The following ZNF843 variants were observed in gnomAD, a reference collection of about 807,000 sequenced individuals.
ZNF843 encodes the protein zinc finger protein 843.
For synonymous variants in ZNF843, 185 were observed against 207.7 expected, an observed-to-expected ratio of 0.89 and a Z score of 0.94; for missense variants, 482 against 469.4, an observed-to-expected ratio of 1.03 and a Z score of -0.25.
rs2082176470 is a variant in ZNF843, at chr16:31,435,783, G to A, written c.*20C>T. ...CGGCGGCTGCAACAATTCCACCCAG[G>A]GCTGCAGCACGCTGGTTCTTCAGTG... is the stretch of plus-strand genomic sequence containing the variant. On this transcript the variant is annotated 3_prime_UTR_variant, in exon 2 of 2. Coordinates refer to ENST00000315678, the MANE Select transcript of ZNF843 (RefSeq NM_001136509.3). 1 of 1,445,240 alleles carries A rather than the reference G, an allele frequency of 6.9e-7. No individual in the cohort carries two copies. 89.5% of individuals were successfully genotyped at this position (1,445,240 alleles called of 1,614,324 possible).
At position 31,436,877 on chromosome 16, in the gene ZNF843, G is replaced by A. The variant is rs778794296; in HGVS notation, c.-28C>T. 3 of 1,493,084 alleles carry A rather than the reference G, an allele frequency of 2.0e-6. No homozygotes were observed. In the South Asian group the frequency reaches 4.0e-5, roughly 20 times the overall value. 92.5% of individuals were successfully genotyped at this position (1,493,084 alleles called of 1,614,324 possible). A position where few individuals can be genotyped will look rare whatever the true frequency, so the allele number is the denominator to read the frequency against. Reference sequence around the variant, plus strand: ...GCAGGGCTTCGGAGATGACCGCTCAGGGAGTAACTGTACGGGAGGCTTTGC... The same window carrying A: ...GCAGGGCTTCGGAGATGACCGCTCAAGGAGTAACTGTACGGGAGGCTTTGC... On this transcript the variant is annotated 5_prime_UTR_variant, in exon 2 of 2. Transcript: ENST00000315678.
intron 1 of ZNF843, among the ~76,000 whole-genome samples, chr16:31,442,065 A>T (rs1235651086): frequency 6.6e-6 from 1 of 152,226 alleles, no homozygotes; most frequent in African/African-American, 2.4e-5. Context: ...GGTGTGCTGC[A>T]GCCAGCACTG....
At position 31,435,662 on chromosome 16, in the gene ZNF843, C is replaced by A. The variant is rs749525403; in HGVS notation, c.*141G>T. The stretch of plus-strand genomic sequence containing the variant: ...AGGGGAAAAAAAACAAACAAAATAG[C>A]CCCCAGCACTTCTGAGAAAGATCTG... On this transcript the variant is annotated 3_prime_UTR_variant, in exon 2 of 2. Transcript: ENST00000315678. The A allele has an allele frequency of 2.6e-4, 200 of 765,802 alleles. No individual in the cohort carries two copies. The highest frequency in any genetic ancestry group is 3.6e-4 in the Non-Finnish European group (186 of 519,540). The allele number at this position is 765,802 out of a possible 1,614,324, so 47.4% of individuals were successfully genotyped here.
rs546141245 is a variant in ZNF843 at position 31,436,127 on chromosome 16, A to G, written c.723T>C (p.Pro241=). ...PLVPSGLPAV[P]AVPLGGLEVA... is the part of the protein sequence containing the mutation. ...CTTCCAGGCCTCCCAGAGGCACTGC[A>G]GGCACTGCGGGAAGGCCGGATGGAA... Residue 241 remains proline (P), a synonymous_variant, in exon 2 of 2, where the codon CCT becomes CCC. Transcript: ENST00000315678. 9 of 1,549,862 alleles carry G rather than the reference A, an allele frequency of 5.8e-6. No homozygotes were observed. The South Asian group carries it at 9.5e-5, about 16-fold the overall frequency.
chr16:31,439,401 C>T (rs2082194055), intron 1 of ZNF843, among the ~76,000 whole-genome samples: 1 of 152,174 alleles, frequency 6.6e-6, no homozygotes, highest in Non-Finnish European at 1.5e-5. Context: ...AGGATTTACT[C>T]AAGGAAAATA....
rs536438869 is a variant in ZNF843, at chr16:31,436,912, C to A, written c.-63G>T. 9.2e-6 allele frequency: 13 copies of A among 1,420,042 alleles called. No homozygotes were observed. In the South Asian group the frequency reaches 1.8e-4, roughly 19 times the overall value. 88.0% of individuals were successfully genotyped at this position (1,420,042 alleles called of 1,614,324 possible). A position where few individuals can be genotyped will look rare whatever the true frequency, so the allele number is the denominator to read the frequency against. On this transcript the variant is annotated 5_prime_UTR_variant, in exon 2 of 2. Transcript: ENST00000315678. ...GTACGGGAGGCTTTGCCGCACTTGGCGCAGCTGTGGGGCCTCTGCCGCACT... is the reference window on the plus strand; with the variant it reads ...GTACGGGAGGCTTTGCCGCACTTGGAGCAGCTGTGGGGCCTCTGCCGCACT...
At chr16:31,441,856 C>T (rs913883784) in intron 1 of ZNF843, among the ~76,000 whole-genome samples, 5 of 152,168 alleles carry the variant, frequency 3.3e-5, no homozygotes, top group African/African-American at 1.2e-4. Flanking sequence ...CTGCTGGACT[C>T]AATGTCACAA....
At position 31,436,256 on chromosome 16, in the gene ZNF843, G is replaced by A; in HGVS notation, c.594C>T (p.Pro198=). ...VAPDSTSGLR[P]CGSPGSFLQH... ...GAAGGAAGGACCCGGGGCTCCCACA[G>A]GGCCGGAGCCCAGAGGTGCTGTCCG... The change falls in exon 2 of 2, where the codon CCC becomes CCT. Residue 198 remains proline (P), a synonymous_variant. Coordinates refer to ENST00000315678, the MANE Select transcript of ZNF843 (RefSeq NM_001136509.3). 6.5e-7 allele frequency: 1 copy of A among 1,546,830 alleles called. No homozygotes were observed. The highest frequency in any genetic ancestry group is 8.7e-7 in the Non-Finnish European group (1 of 1,144,426).
chr16:31,442,847 G>A (rs2082206732), upstream of ZNF843: 1 of 152,308 alleles, frequency 6.6e-6, no homozygotes, highest in Admixed American at 6.5e-5. Flanking sequence ...GGGAGCTGGA[G>A]GCGTCCTGGC....
At position 31,436,032 on chromosome 16, in the gene ZNF843, G is replaced by A. The variant is rs988703210; in HGVS notation, c.818C>T (p.Ala273Val). The change falls in exon 2 of 2, where the codon GCG becomes GTG. Residue 273 changes from alanine to valine, a missense_variant. By Grantham distance (64) the Ala-to-Val change is moderately conservative. Coordinates refer to ENST00000315678, the MANE Select transcript of ZNF843 (RefSeq NM_001136509.3). ...CTCCCGCGAGTCCCGTCCCGCGCTC[G>A]CACAGCTTCTGGGCCCCATCGCCCC... ...QEGAMGPRSC[A>V]SAGRDSREAV... 5.9e-6 allele frequency: 9 copies of A among 1,534,752 alleles called. No homozygotes were observed. Among genetic ancestry groups the A allele is most frequent in the East Asian group, 2.4e-5 (1 of 40,852 alleles).
Position 31,435,500 on chromosome 16 carries a change from G to T in ZNF843, c.*303C>A, listed in dbSNP as rs1796866573. 7.7e-6 allele frequency: 2 copies of T among 261,046 alleles called. No homozygotes were observed. Among genetic ancestry groups the T allele is most frequent in the Non-Finnish European group, 1.4e-5 (2 of 138,692 alleles). The allele number at this position is 261,046 out of a possible 1,614,324, so 16.2% of individuals were successfully genotyped here. On this transcript the variant is annotated 3_prime_UTR_variant, in exon 2 of 2. Coordinates refer to ENST00000315678, the MANE Select transcript of ZNF843 (RefSeq NM_001136509.3). ...GATGCGGTCTCGCTAGGCTGCCCAG[G>T]CTAGTCTCAAATTCTTCGGGCTCAC...
In ZNF843 at chr16:31,436,531, T is replaced by A. The variant is rs751996730; in HGVS notation, c.319A>T (p.Thr107Ser). 2.1e-5 allele frequency: 33 copies of A among 1,549,998 alleles called. No individual in the cohort carries two copies. The Admixed American group carries it at 6.1e-4, about 29-fold the overall frequency. ...GCTTCGGCCAGTGTGTGCTCCTTGGTGAGCCAGCAGCAGAGCTGGCCGCTA... is the reference window on the plus strand; with the variant it reads ...GCTTCGGCCAGTGTGTGCTCCTTGGAGAGCCAGCAGCAGAGCTGGCCGCTA... ...GFSGQLCCWL[T>S]KEHTLAEALR... Residue 107 changes from threonine (T) to serine (S), a missense_variant, in exon 2 of 2, where the codon ACC becomes TCC. Thr to Ser is a moderately conservative substitution (Grantham distance 58, BLOSUM62 1). Coordinates refer to ENST00000315678, the MANE Select transcript of ZNF843 (RefSeq NM_001136509.3).
rs1567365062 is a variant in ZNF843 at position 31,436,342 on chromosome 16, C to T, written c.508G>A (p.Glu170Lys). ...ACGCTCCCACCCCTGCAGGTCTTCT[C>T]CCCTGGGTGCGGAAGGACGCGCTGG... ...LSQRVLPHPG[E>K]KTCRGGSVES... The change falls in exon 2 of 2, where the codon GAG (glutamate) becomes AAG (lysine). Residue 170 changes from glutamate to lysine, a missense_variant. Transcript: ENST00000315678. 1.3e-6 allele frequency: 2 copies of T among 1,546,564 alleles called. No homozygotes were observed. The highest frequency in any genetic ancestry group is 2.0e-5 in the Admixed American group (1 of 50,760).
At position 31,442,723 on chromosome 16, in the gene ZNF843, C is replaced by G. The variant is rs751193617; in HGVS notation, c.-423G>C. The G allele has an allele frequency of 6.6e-6, 1 of 152,242 alleles. No homozygotes were observed. The highest frequency in any genetic ancestry group is 1.5e-5 in the Non-Finnish European group (1 of 68,060). The allele number at this position is 152,242 out of a possible 1,614,324, so 9.4% of individuals were successfully genotyped here. A position where few individuals can be genotyped will look rare whatever the true frequency, so the allele number is the denominator to read the frequency against. Reference sequence around the variant, plus strand: ...GCGCCCCTGCCCCGCGAGCCGCCCCCGAGAGACACGGCGGATCGGAACCCA... The same window carrying G: ...GCGCCCCTGCCCCGCGAGCCGCCCCGGAGAGACACGGCGGATCGGAACCCA... On this transcript the variant is annotated 5_prime_UTR_variant, in exon 1 of 2. Transcript: ENST00000315678.
chr16:31,435,645 A>C lies in ZNF843; in HGVS notation c.*158T>G. On this transcript the variant is annotated 3_prime_UTR_variant, in exon 2 of 2. Transcript: ENST00000315678. ...GAAAGGAGCGAGAATTCAGGGGAAA[A>C]AAAACAAACAAAATAGCCCCCAGCA... 1 of 705,420 alleles carries C rather than the reference A, an allele frequency of 1.4e-6. No individual in the cohort carries two copies. 43.7% of individuals were successfully genotyped at this position (705,420 alleles called of 1,614,324 possible).
rs1300721016 is a variant in ZNF843, at chr16:31,436,762, G to A, written c.88C>T (p.Arg30Cys). The change falls in exon 2 of 2, where the codon CGT (arginine) becomes TGT (cysteine). Residue 30 changes from arginine to cysteine, a missense_variant. By Grantham distance (180) the Arg-to-Cys change is radical. Coordinates refer to ENST00000315678, the MANE Select transcript of ZNF843 (RefSeq NM_001136509.3). ...CAGGCCTTGCACTTGCAGGGCTGAC[G>A]GCCCTGGGTGAATCTGCCGGTGCTG... ...CCSTGRFTQG[R>C]QPCKCKACGR... is the part of the protein sequence containing the mutation. 1.9e-6 allele frequency: 3 copies of A among 1,551,750 alleles called. No individual in the cohort carries two copies. In the South Asian group the frequency reaches 3.6e-5, roughly 18 times the overall value.
chr16:31,437,638 T>TTTTTTTA (rs2082188264), intron 1 of ZNF843, among the ~76,000 whole-genome samples: 1 of 137,958 alleles, frequency 7.2e-6, no homozygotes, highest in African/African-American at 2.6e-5. Context: ...TTTTTTTTTT[T>TTTTTTTA]GAGAGGGAGT....
At position 31,436,977 on chromosome 16, in the gene ZNF843, C is replaced by A; in HGVS notation, c.-128G>T. The A allele has an allele frequency of 1.1e-6, 1 of 875,960 alleles. No homozygotes were observed. The highest frequency in any genetic ancestry group is 1.7e-6 in the Non-Finnish European group (1 of 577,320). The allele number at this position is 875,960 out of a possible 1,614,324, so 54.3% of individuals were successfully genotyped here. A position where few individuals can be genotyped will look rare whatever the true frequency, so the allele number is the denominator to read the frequency against. On this transcript the variant is annotated 5_prime_UTR_variant, in exon 2 of 2. Transcript: ENST00000315678. ...CCACGAGCTCACAGTCTGGGAGCAG[C>A]ACCCGGCCCCAGGCCTCGGGGGCTG... is the stretch of plus-strand genomic sequence containing the variant.
chr16:31,436,525 C>T lies in ZNF843; in HGVS notation c.325G>A (p.Glu109Lys), dbSNP rs766972224. ...CGCAGGGCTTCGGCCAGTGTGTGCT[C>T]CTTGGTGAGCCAGCAGCAGAGCTGG... is the stretch of plus-strand genomic sequence containing the variant. The part of the protein sequence containing the change: ...SGQLCCWLTK[E>K]HTLAEALRLS... The change falls in exon 2 of 2, where the codon GAG (glutamate) becomes AAG (lysine). Residue 109 changes from glutamate to lysine, a missense_variant. Physicochemically the swap from Glu to Lys is moderately conservative, Grantham distance 56. Coordinates refer to ENST00000315678, the MANE Select transcript of ZNF843 (RefSeq NM_001136509.3). 1 of 1,550,076 alleles carries T rather than the reference C, an allele frequency of 6.5e-7. No homozygotes were observed. Among genetic ancestry groups the T allele is most frequent in the African/African-American group, 1.4e-5 (1 of 73,124 alleles).
Sources: allele counts gnomAD v4.1 joint callset (sites outside exome capture counted in the v4.1 genomes callset), GRCh38; gene constraint gnomAD v4.1.1; transcripts MANE v1.5; gene names NCBI Gene and HGNC (gene_info 2026-07-23, HGNC 2026-07-21).